Variants in ANK3 observed in about 807,000 individuals in gnomAD.
The protein encoded by ANK3 is ankyrin 3.
ANK3 carries 57 observed loss-of-function variants against 370.9 expected under a neutral mutation model. That is an observed-to-expected ratio of 0.15 (90% CI 0.12 to 0.19). The LOEUF is 0.19. ANK3 is among the 10% of genes least tolerant of loss of function. ANK3 has a pLI of 1.00. For synonymous variants in ANK3, 1,929 were observed against 1,946.3 expected, an observed-to-expected ratio of 0.99 and a Z score of 0.23; for missense variants, 4,439 against 5,302.1, an observed-to-expected ratio of 0.84 and a Z score of 5.06.
At chr10:60,033,526 A>AG (rs2074193709) in intron 43 of ANK3, among the ~76,000 whole-genome samples, 1 of 148,166 alleles carries the variant, frequency 6.7e-6, no homozygotes, top group African/African-American at 2.5e-5. Context: ...AAAAAAAAAA[A>AG]AAAAAAAAAA....
chr10:60,166,524 A>C, intron 23 of ANK3, 67 bp downstream of exon 23: 1 of 1,206,602 alleles, frequency 8.3e-7, no homozygotes, highest in South Asian at 1.3e-5. Context: ...ATTATATTTC[A>C]AAGATAAGAA....
intron 2 of ANK3, among the ~76,000 whole-genome samples, chr10:60,410,821 A>G (rs2063543929): frequency 6.6e-6 from 1 of 151,820 alleles, no homozygotes. Flanking sequence ...GCACACCAGA[A>G]TGCCTGGCCA....
chr10:60,587,689 C>A (rs2077851733), intron 2 of ANK3, among the ~76,000 whole-genome samples: 1 of 152,156 alleles, frequency 6.6e-6, no homozygotes. Flanking sequence ...TATAATAATA[C>A]TTTAAAAAAT....
intron 2 of ANK3, among the ~76,000 whole-genome samples, chr10:60,518,874 T>C (rs1041405086): frequency 6.6e-6 from 1 of 150,870 alleles, no homozygotes; most frequent in African/African-American, 2.4e-5. Context: ...AATTCATGAC[T>C]TACCCAAACT....
chr10:60,169,060 C>T (rs1299386596), intron 21 of ANK3, among the ~76,000 whole-genome samples: 1 of 152,124 alleles, frequency 6.6e-6, no homozygotes, highest in East Asian at 1.9e-4. Context: ...GGTATATACT[C>T]AGTAATGGGA....
intron 23 of ANK3, among the ~76,000 whole-genome samples, chr10:60,146,745 G>T (rs1170566779): frequency 2.6e-5 from 4 of 152,192 alleles, no homozygotes; most frequent in African/African-American, 7.2e-5. Flanking sequence ...CTCCCAAAGT[G>T]CTGGGATTAC....
intron 7 of ANK3, among the ~76,000 whole-genome samples, chr10:60,244,491 C>G (rs569303694): frequency 1.3e-4 from 20 of 152,248 alleles, no homozygotes; most frequent in African/African-American, 4.3e-4. Context: ...CTAATTCTTA[C>G]CACTTGTCAT....
At chr10:60,298,786 A>G (rs2043069488) in intron 1 of ANK3, among the ~76,000 whole-genome samples, 1 of 152,174 alleles carries the variant, frequency 6.6e-6, no homozygotes, top group South Asian at 2.1e-4. Context: ...ATTAATTAAT[A>G]AAAGGCCAGA....
chr10:60,277,626 C>T (rs1199022753), intron 4 of ANK3, among the ~76,000 whole-genome samples: 1 of 152,110 alleles, frequency 6.6e-6, no homozygotes, highest in African/African-American at 2.4e-5. Flanking sequence ...TTATATGAAA[C>T]CGCTAACAGG....
chr10:60,462,583 G>A (rs2064911890), intron 2 of ANK3, among the ~76,000 whole-genome samples: 1 of 132,706 alleles, frequency 7.5e-6, no homozygotes, highest in African/African-American at 2.8e-5. Flanking sequence ...AAAAAATTTA[G>A]CTTTTTTTTT....
At chr10:60,291,866 C>T (rs2041479710) in intron 1 of ANK3, among the ~76,000 whole-genome samples, 1 of 152,020 alleles carries the variant, frequency 6.6e-6, no homozygotes, top group Admixed American at 6.6e-5. Context: ...GTACAGACCG[C>T]CACGCCTGAC....
intron 39 of ANK3, among the ~76,000 whole-genome samples, chr10:60,063,554 T>G (rs144557208): frequency 2.0e-5 from 3 of 152,362 alleles, no homozygotes; most frequent in Admixed American, 1.3e-4. Context: ...CCTTTCCTCT[T>G]AGAATGTCAA....
At chr10:60,650,468 G>C (rs2078773310) in intron 1 of ANK3, among the ~76,000 whole-genome samples, 1 of 151,778 alleles carries the variant, frequency 6.6e-6, no homozygotes, top group Non-Finnish European at 1.5e-5. Flanking sequence ...CATGCCCTTT[G>C]ACATCAAGTG....
chr10:60,481,126 T>C (rs2075203671), intron 2 of ANK3, among the ~76,000 whole-genome samples: 2 of 152,194 alleles, frequency 1.3e-5, no homozygotes, highest in Admixed American at 6.5e-5. Flanking sequence ...TCTATGAAAC[T>C]TTCTTTTAAA....
intron 2 of ANK3, among the ~76,000 whole-genome samples, chr10:60,482,026 G>C (rs1454809897): frequency 6.6e-6 from 1 of 152,154 alleles, no homozygotes; most frequent in East Asian, 1.9e-4. Context: ...TCAGATTAGA[G>C]TTCCTGGCAC....
chr10:60,117,207 C>T (rs1374184487), intron 25 of ANK3, among the ~76,000 whole-genome samples: 1 of 152,148 alleles, frequency 6.6e-6, no homozygotes, highest in Non-Finnish European at 1.5e-5. Context: ...TGTACTCCAC[C>T]AAAGTGAAGG....
At chr10:60,220,196 A>AT (rs147711534) in intron 8 of ANK3, among the ~76,000 whole-genome samples, 5,656 of 151,882 alleles carry the variant, frequency 0.037, 334 homozygotes, top group African/African-American at 0.12. Context: ...CAGTACAGTG[A>AT]TTTTTTTTTA....
At chr10:60,457,177 C>T (rs76590127) in intron 2 of ANK3, among the ~76,000 whole-genome samples, 12,865 of 152,188 alleles carry the variant, frequency 0.085, 662 homozygotes, top group South Asian at 0.17. Context: ...ATACATCACC[C>T]TCTCCATAGA....
rs139927013 is a variant in ANK3, at chr10:60,251,955, C to T, written c.798+9904G>A. Among the ~76,000 whole-genome samples, 129 of 152,356 alleles carry T rather than the reference C, an allele frequency of 8.5e-4. 1 individual carries two copies. Among genetic ancestry groups the T allele is most frequent in the Middle Eastern group, 3.4e-3 (1 of 294 alleles). On this transcript the variant is annotated intron_variant, in intron 7 of 43. Transcript: ENST00000280772. ...CACACCTGCATCTGGGCTTCAGCCTCCTTTTCTTGGAGCTGATCCCCATTT... is the reference window on the plus strand; with the variant it reads ...CACACCTGCATCTGGGCTTCAGCCTTCTTTTCTTGGAGCTGATCCCCATTT...
Sources: gnomAD v4.1 joint callset for allele counts (sites outside exome capture counted in the v4.1 genomes callset) on GRCh38, gnomAD v4.1.1 for gene constraint, MANE v1.5 for transcripts, NCBI Gene and HGNC (gene_info 2026-07-23, HGNC 2026-07-21) for gene names.